Variants in PRKCH observed in about 807,000 individuals in gnomAD.
PRKCH encodes protein kinase C eta, also known as protein kinase C eta type.
In PRKCH, 28 loss-of-function variants were observed where a neutral mutation model predicts 82.5. The ratio of observed to expected loss-of-function variants is 0.34; its 90% CI spans 0.25 to 0.47. The LOEUF is 0.47. PRKCH is among the 20% of genes least tolerant of loss of function. The pLI, the probability that PRKCH is intolerant of heterozygous loss-of-function variation, is 1.00. For missense variants in PRKCH, 705 were observed against 881.8 expected (o/e 0.80, Z 2.54); for synonymous variants, 322 against 327.4 (o/e 0.98, Z 0.18).
intron 2 of PRKCH, among the ~76,000 whole-genome samples, chr14:61,409,311 G>T (rs1273517900): frequency 3.3e-5 from 5 of 152,110 alleles, no homozygotes; most frequent in Non-Finnish European, 7.4e-5. Context: ...TCAAGGAATT[G>T]CTCTTTGGGA....
At chr14:61,340,780 C>G (rs1384969726) in intron 1 of PRKCH, among the ~76,000 whole-genome samples, 1 of 152,212 alleles carries the variant, frequency 6.6e-6, no homozygotes, top group Non-Finnish European at 1.5e-5. Flanking sequence ...AATATCCCAT[C>G]TTTCCCCTTG....
chr14:61,409,154 C>G (rs1010734445), intron 2 of PRKCH, among the ~76,000 whole-genome samples: 7 of 152,184 alleles, frequency 4.6e-5, no homozygotes, highest in African/African-American at 1.4e-4. Context: ...TGAGGACCGA[C>G]TGTGCCATGG....
intron 3 of PRKCH, among the ~76,000 whole-genome samples, chr14:61,443,551 A>G (rs551790044): frequency 6.6e-6 from 1 of 152,358 alleles, no homozygotes; most frequent in East Asian, 1.9e-4. Flanking sequence ...AAGGCTAATA[A>G]GTCAATAAAC....
At chr14:61,276,686 C>T (rs1314409368) in intron 1 of PRKCH, among the ~76,000 whole-genome samples, 1 of 81,790 alleles carries the variant, frequency 1.2e-5, no homozygotes, top group Admixed American at 1.3e-4. Context: ...CGTGTATGCC[C>T]TTGGACTTCT....
chr14:61,242,907 C>T (rs1364894371), intron 1 of PRKCH, among the ~76,000 whole-genome samples: 1 of 152,060 alleles, frequency 6.6e-6, no homozygotes, highest in African/African-American at 2.4e-5. Flanking sequence ...ATATGCCAGG[C>T]ACTTTGCTAG....
intron 9 of PRKCH, among the ~76,000 whole-genome samples, chr14:61,468,136 G>A (rs1487136564): frequency 6.6e-6 from 1 of 152,136 alleles, no homozygotes; most frequent in East Asian, 1.9e-4. Context: ...TGGCCTTTTG[G>A]GAAATACCTA....
intron 10 of PRKCH, among the ~76,000 whole-genome samples, chr14:61,514,444 G>A (rs1233333614): frequency 6.6e-6 from 1 of 151,914 alleles, no homozygotes; most frequent in Non-Finnish European, 1.5e-5. Context: ...TTGAAGGATT[G>A]ACGCCTGGTC....
At chr14:61,371,729 A>T (rs1351536225) in intron 1 of PRKCH, among the ~76,000 whole-genome samples, 2 of 152,086 alleles carry the variant, frequency 1.3e-5, no homozygotes, top group African/African-American at 4.8e-5. Flanking sequence ...GATTTCTCAC[A>T]TAAAGTTCCT....
At position 61,373,107 on chromosome 14, in the gene PRKCH, G is replaced by C. The variant is rs552896559; in HGVS notation, c.364-18118G>C. Among the ~76,000 whole-genome samples, 4 of 152,116 alleles carry C rather than the reference G, an allele frequency of 2.6e-5. No homozygotes were observed. The South Asian group carries it at 8.3e-4, about 32-fold the overall frequency. On this transcript the variant is annotated intron_variant, in intron 1 of 13. Transcript: ENST00000332981. ...AGGCTGTCACCGGGCTGAAGAACTA[G>C]TTGGGTTGTAGCTGTGGCTGTGAAT...
intron 1 of PRKCH, among the ~76,000 whole-genome samples, chr14:61,328,570 T>C (rs956872935): frequency 3.9e-5 from 6 of 152,154 alleles, no homozygotes; most frequent in African/African-American, 1.4e-4. Context: ...TTTTGGTATC[T>C]AGTAAGTGTT....
At chr14:61,195,388 T>C (rs908443815) in intron 1 of PRKCH, among the ~76,000 whole-genome samples, 2 of 152,174 alleles carry the variant, frequency 1.3e-5, no homozygotes, top group African/African-American at 4.8e-5. Flanking sequence ...AAAGAGAGGA[T>C]TCAAAGTGCA....
intron 10 of PRKCH, among the ~76,000 whole-genome samples, chr14:61,507,694 C>G (rs1195545109): frequency 6.6e-6 from 1 of 152,104 alleles, no homozygotes; most frequent in African/African-American, 2.4e-5. Context: ...ACTGCATGAT[C>G]TCACTCATAT....
intron 1 of PRKCH, among the ~76,000 whole-genome samples, chr14:61,290,975 G>A (rs998392592): frequency 1.3e-5 from 2 of 152,172 alleles, no homozygotes; most frequent in Non-Finnish European, 2.9e-5. Flanking sequence ...TAGACAGAAG[G>A]CCACTGCACC....
chr14:61,304,864 T>C (rs2045475224), intron 1 of PRKCH: 1 of 152,096 alleles, frequency 6.6e-6, no homozygotes, highest in African/African-American at 2.4e-5. Context: ...CTTTCAGTAC[T>C]TTAATGGCAT....
At chr14:61,390,151 C>T (rs1338162735) in intron 1 of PRKCH, among the ~76,000 whole-genome samples, 1 of 152,134 alleles carries the variant, frequency 6.6e-6, no homozygotes, top group Non-Finnish European at 1.5e-5. Flanking sequence ...AAGTTAGCAT[C>T]CGGTAGGAAG....
intron 2 of PRKCH, among the ~76,000 whole-genome samples, chr14:61,407,940 T>C (rs147188784): frequency 2.6e-5 from 4 of 152,318 alleles, no homozygotes; most frequent in Non-Finnish European, 5.9e-5. Context: ...CAGGGCAGGG[T>C]TCTCCAGTGT....
chr14:61,281,219 G>T, intron 1 of PRKCH: 2 of 1,000,460 alleles, frequency 2.0e-6, no homozygotes, highest in Non-Finnish European at 2.6e-6. Flanking sequence ...CCCTCTCCGC[G>T]CCGCGCAAGC....
intron 10 of PRKCH, among the ~76,000 whole-genome samples, chr14:61,518,934 T>C (rs1252522271): frequency 6.6e-6 from 1 of 151,736 alleles, no homozygotes; most frequent in Non-Finnish European, 1.5e-5. Flanking sequence ...CACCCCAGCC[T>C]CCCAAGTAGC....
chr14:61,389,799 C>T (rs1047900051), intron 1 of PRKCH, among the ~76,000 whole-genome samples: 1 of 152,076 alleles, frequency 6.6e-6, no homozygotes, highest in African/African-American at 2.4e-5. Context: ...GCCCAGGGTC[C>T]AGAACCAGCT....
Sources: allele counts gnomAD v4.1 joint callset (sites outside exome capture counted in the v4.1 genomes callset), GRCh38; gene constraint gnomAD v4.1.1; transcripts MANE v1.5; gene names NCBI Gene and HGNC (gene_info 2026-07-23, HGNC 2026-07-21).